Variants in GNG7 observed in about 807,000 individuals in gnomAD.
GNG7 encodes the protein guanine nucleotide-binding protein G(I)/G(S)/G(O) subunit gamma-7.
In GNG7, 1 loss-of-function variant was observed where a neutral mutation model predicts 4.0. The ratio of observed to expected loss-of-function variants is 0.25; its 90% confidence interval spans 0.09 to 1.18. The LOEUF is 1.18. Among genes scored for constraint, GNG7 ranks in the 50% most tolerant of loss-of-function variants. The pLI, the probability that GNG7 is intolerant of heterozygous loss-of-function variation, is 0.50. For missense variants in GNG7, 86 were observed against 91.9 expected (o/e 0.94, Z 0.26); for synonymous variants, 34 against 36.9 (o/e 0.92, Z 0.29).
chr19:2,690,681 C>T (rs1007215830), intron 1 of GNG7, among the ~76,000 whole-genome samples: 9 of 152,212 alleles, frequency 5.9e-5, no homozygotes, highest in African/African-American at 2.2e-4. Flanking sequence ...GCAGCCTCCA[C>T]CTCCCAGATT....
At chr19:2,649,678 G>T (rs1031761429) in intron 1 of GNG7, among the ~76,000 whole-genome samples, 1 of 151,984 alleles carries the variant, frequency 6.6e-6, no homozygotes, top group African/African-American at 2.4e-5. Flanking sequence ...GTGAGCCACC[G>T]CGCCCAGCCA....
At chr19:2,661,302 G>GAAAGAAAGAAAGAAAGAAAGAAAGAA in intron 1 of GNG7, among the ~76,000 whole-genome samples, 2 of 73,122 alleles carry the variant, frequency 2.7e-5, no homozygotes, top group African/African-American at 5.4e-5. Context: ...AAGAAAGAAA[G>GAAAGAAAGAAAGAAAGAAAGAAAGAA]AGAAAGAAAG....
chr19:2,655,124 G>A (rs1277722022), intron 1 of GNG7, among the ~76,000 whole-genome samples: 3 of 151,274 alleles, frequency 2.0e-5, no homozygotes, highest in African/African-American at 4.9e-5. Context: ...GGGAGGTCGA[G>A]GCTACAGTGA....
intron 1 of GNG7, among the ~76,000 whole-genome samples, chr19:2,679,683 G>T (rs954619746): frequency 2.0e-5 from 3 of 152,028 alleles, no homozygotes; most frequent in Non-Finnish European, 4.4e-5. Context: ...TCCATGATTC[G>T]CCACCTTTCA....
At position 2,512,197 on chromosome 19, in the gene GNG7, G is replaced by C; in HGVS notation, c.*2825C>G. On this transcript the variant is annotated 3_prime_UTR_variant, in exon 5 of 5. Transcript: ENST00000382159. The surrounding 1 kb of genome is among the most constrained non-coding windows in gnomAD (Gnocchi z 4.7). Reference sequence around the variant, plus strand: ...TGCCACCCCCGCCCGCCAGCTCCCCGTCTGGAGGTGCACGCGCGCTCCTGG... The same window carrying C: ...TGCCACCCCCGCCCGCCAGCTCCCCCTCTGGAGGTGCACGCGCGCTCCTGG... The C allele has an allele frequency of 1.0e-6, 1 of 985,884 alleles. No homozygotes were observed. Among genetic ancestry groups the C allele is most frequent in the Non-Finnish European group, 1.2e-6 (1 of 829,970 alleles). 61.1% of individuals were successfully genotyped at this position (985,884 alleles called of 1,614,324 possible).
At chr19:2,689,373 A>G (rs1293519489) in intron 1 of GNG7, among the ~76,000 whole-genome samples, 1 of 151,826 alleles carries the variant, frequency 6.6e-6, no homozygotes, top group Admixed American at 6.6e-5. Context: ...TGGGCCTCCC[A>G]GCACTTTGGG....
At chr19:2,535,614 C>T (rs1978712074) in intron 3 of GNG7, among the ~76,000 whole-genome samples, 1 of 152,092 alleles carries the variant, frequency 6.6e-6, no homozygotes, top group Non-Finnish European at 1.5e-5. Flanking sequence ...AGATGTCGAC[C>T]TTAACCCTGG....
intron 3 of GNG7, among the ~76,000 whole-genome samples, chr19:2,540,071 T>TC (rs1199124156): frequency 1.2e-5 from 1 of 80,426 alleles, no homozygotes; most frequent in Non-Finnish European, 2.4e-5. Flanking sequence ...CCCTCCTCCC[T>TC]CCCTCTCTCT....
At chr19:2,520,353 C>T (rs987008166) in intron 4 of GNG7, among the ~76,000 whole-genome samples, 4 of 152,216 alleles carry the variant, frequency 2.6e-5, no homozygotes, top group Non-Finnish European at 5.9e-5. Flanking sequence ...TCACGATGAC[C>T]GTCTCCACGG....
In GNG7 at chr19:2,589,612, C is replaced by T. The variant is rs566933176; in HGVS notation, c.-77-34424G>A. On this transcript the variant is annotated intron_variant, in intron 2 of 4. Coordinates refer to ENST00000382159, the MANE Select transcript of GNG7 (RefSeq NM_052847.3). ...CACCTCCGCTGTTTGACTCTGGTCC[C>T]CTCCTCCCATGTCAGATGATGGCAG... 7.9e-5 allele frequency among the ~76,000 whole-genome samples: 12 copies of T among 152,104 alleles called. No individual in the cohort carries two copies. The South Asian group carries it at 1.9e-3, about 24-fold the overall frequency.
At chr19:2,527,949 T>C (rs1239083071) in intron 3 of GNG7, among the ~76,000 whole-genome samples, 3 of 152,084 alleles carry the variant, frequency 2.0e-5, no homozygotes, top group Non-Finnish European at 4.4e-5. Flanking sequence ...CCCAGCTGAC[T>C]GAAGGCCCCA....
chr19:2,636,193 C>T (rs960566285), intron 2 of GNG7, among the ~76,000 whole-genome samples: 1 of 152,180 alleles, frequency 6.6e-6, no homozygotes, highest in Non-Finnish European at 1.5e-5. Context: ...CTGGGATTCA[C>T]CTCCTCTCTC....
chr19:2,624,079 G>A (rs796107535), intron 2 of GNG7, among the ~76,000 whole-genome samples: 9 of 152,070 alleles, frequency 5.9e-5, no homozygotes, highest in Non-Finnish European at 8.8e-5. Context: ...AGTGTTTCAC[G>A]GGGACAGAGA....
chr19:2,525,596 G>T (rs11881279), intron 3 of GNG7, among the ~76,000 whole-genome samples: 1 of 151,496 alleles, frequency 6.6e-6, no homozygotes, highest in Admixed American at 6.6e-5. Flanking sequence ...CCAGTGCACA[G>T]AAGGGCTGAA....
At chr19:2,701,307 C>T (rs2144666306) in intron 1 of GNG7, 1 of 152,036 alleles carries the variant, frequency 6.6e-6, no homozygotes, top group East Asian at 1.9e-4. Context: ...CTCCCCACAC[C>T]CCGTTTTCCT....
intron 2 of GNG7, among the ~76,000 whole-genome samples, chr19:2,572,020 G>C (rs1419211063): frequency 2.0e-5 from 3 of 151,874 alleles, no homozygotes; most frequent in African/African-American, 7.3e-5. Context: ...TTGTTGTTTT[G>C]TTTTGTTTTG....
In GNG7 at chr19:2,567,331, T is replaced by TTG. The variant is rs3221748; in HGVS notation, c.-77-12145_-77-12144dup. ...TTATTTCTTCTCAGTTGTCGTCGATTTGTGTGTGTGTGTGTGTGTGACATA... is the reference window on the plus strand; with the variant it reads ...TTATTTCTTCTCAGTTGTCGTCGATTTGTGTGTGTGTGTGTGTGTGTGACATA... On this transcript the variant is annotated intron_variant, in intron 2 of 4. Transcript: ENST00000382159. Among the ~76,000 whole-genome samples the TTG allele has an allele frequency of 5.3e-4, 73 of 137,248 alleles. 1 individual carries two copies. Among genetic ancestry groups the TTG allele is most frequent in the East Asian group, 1.7e-3 (8 of 4,754 alleles). 90.0% of individuals were successfully genotyped at this position (137,248 alleles called of 152,430 possible).
intron 2 of GNG7, among the ~76,000 whole-genome samples, chr19:2,622,745 G>A (rs1402179686): frequency 6.7e-6 from 1 of 148,718 alleles, no homozygotes; most frequent in African/African-American, 2.6e-5. Context: ...CTTCCGGGAT[G>A]GGGAACCCAA....
chr19:2,613,752 C>A lies in GNG7; in HGVS notation c.-78+32472G>T, dbSNP rs62123725. Among the ~76,000 whole-genome samples, 5 of 152,186 alleles carry A rather than the reference C, an allele frequency of 3.3e-5. No homozygotes were observed. The South Asian group carries it at 8.3e-4, about 25-fold the overall frequency. ...GGCATGGAGTGGGTGGAGGCCAGGA[C>A]GCCACTCAGCACCCTGCAGTGCCCA... On this transcript the variant is annotated intron_variant, in intron 2 of 4. Transcript: ENST00000382159.
Sources: gnomAD v4.1 joint callset for allele counts (sites outside exome capture counted in the v4.1 genomes callset) on GRCh38, gnomAD v4.1.1 for gene constraint, Gnocchi (gnomAD v3.1) non-coding constraint, MANE v1.5 for transcripts, NCBI Gene and HGNC (gene_info 2026-07-23, HGNC 2026-07-21) for gene names.